The following ADAM12 variants were observed in gnomAD, a reference collection of about 807,000 sequenced individuals.
ADAM12 encodes the protein ADAM metallopeptidase domain 12.
Under a neutral mutation model 106.4 loss-of-function variants are expected in ADAM12, and 70 were observed. That is an observed-to-expected ratio of 0.66 (90% CI 0.54 to 0.80). ADAM12 has a LOEUF of 0.80. ADAM12 is among the 30% of genes least tolerant of loss of function. The pLI, the probability that ADAM12 is intolerant of heterozygous loss-of-function variation, is 0.00. For missense variants in ADAM12, 1,010 were observed against 1,171.9 expected (o/e 0.86, Z 2.02); for synonymous variants, 420 against 433.5 (o/e 0.97, Z 0.39).
intron 1 of ADAM12, among the ~76,000 whole-genome samples, chr10:126,333,180 T>C (rs941276583): frequency 1.3e-5 from 2 of 152,232 alleles, no homozygotes; most frequent in African/African-American, 4.8e-5. Flanking sequence ...AGTTTAATTA[T>C]AAGGTACTCC....
chr10:126,242,132 T>C (rs1479600566), intron 3 of ADAM12, among the ~76,000 whole-genome samples: 1 of 152,208 alleles, frequency 6.6e-6, no homozygotes, highest in Non-Finnish European at 1.5e-5. Context: ...ATTCTGATAA[T>C]ATTTTCCCAT....
At chr10:126,181,237 A>T (rs1043877336) in intron 3 of ADAM12, among the ~76,000 whole-genome samples, 3 of 151,952 alleles carry the variant, frequency 2.0e-5, no homozygotes, top group African/African-American at 7.3e-5. Flanking sequence ...ATGCTCAGCT[A>T]ATTTTTGTAT....
chr10:126,179,496 A>T (rs1957276049), intron 3 of ADAM12, among the ~76,000 whole-genome samples: 1 of 152,202 alleles, frequency 6.6e-6, no homozygotes, highest in South Asian at 2.1e-4. Context: ...AAGTTCATGC[A>T]ATTTAGAACT....
At position 126,049,502 on chromosome 10, in the gene ADAM12, C is replaced by G. The variant is rs762328877; in HGVS notation, c.1719-51G>C. On this transcript the variant is annotated intron_variant, in intron 15 of 22. Coordinates refer to ENST00000448723, the MANE Select transcript of ADAM12 (RefSeq NM_001288973.2). The surrounding 1 kb of genome is among the most constrained non-coding windows in gnomAD (Gnocchi z 4.4). ...CCAAGGAGAAACCATTTGGAACCAA[C>G]CCTATGCAATGTGGGAAGGTCAGAG... 5.0e-6 allele frequency: 8 copies of G among 1,613,668 alleles called. No individual in the cohort carries two copies. The highest frequency in any genetic ancestry group is 6.8e-6 in the Non-Finnish European group (8 of 1,179,578).
intron 3 of ADAM12, among the ~76,000 whole-genome samples, chr10:126,179,778 A>T (rs1387603196): frequency 6.6e-6 from 1 of 152,130 alleles, no homozygotes; most frequent in Non-Finnish European, 1.5e-5. Context: ...ATAAATAAAT[A>T]GTTATTGATG....
In ADAM12 at chr10:126,066,697, T is replaced by C. The variant is rs1184589018; in HGVS notation, c.1413+20A>G. The C allele has an allele frequency of 1.2e-5, 20 of 1,613,100 alleles. No individual in the cohort carries two copies. The East Asian group carries it at 3.1e-4, about 25-fold the overall frequency. Reference sequence around the variant, plus strand: ...ACCTGTTGGCGACCTGGGGGTCAAGTTGTAGCTCCGGTGACTCACCTGGCA... The same window carrying C: ...ACCTGTTGGCGACCTGGGGGTCAAGCTGTAGCTCCGGTGACTCACCTGGCA... On this transcript the variant is annotated intron_variant, in intron 13 of 22. Coordinates refer to ENST00000448723, the MANE Select transcript of ADAM12 (RefSeq NM_001288973.2). The surrounding 1 kb of genome is among the most constrained non-coding windows in gnomAD (Gnocchi z 5.1).
At chr10:126,360,378 C>G (rs1855701354) in intron 1 of ADAM12, among the ~76,000 whole-genome samples, 1 of 152,180 alleles carries the variant, frequency 6.6e-6, no homozygotes, top group Admixed American at 6.5e-5. Flanking sequence ...CTTTTATGCT[C>G]TACTTCCCTT....
At position 126,190,989 on chromosome 10, in the gene ADAM12, C is replaced by CTTTTTT. The variant is rs1957488604; in HGVS notation, c.261-35685_261-35684insAAAAAA. Among the ~76,000 whole-genome samples, 260 of 68,720 alleles carry CTTTTTT rather than the reference C, an allele frequency of 3.8e-3. 109 individuals carry two copies. Among genetic ancestry groups the CTTTTTT allele is most frequent in the African/African-American group, 7.3e-3 (193 of 26,302 alleles). The allele number at this position is 68,720 out of a possible 152,430, so 45.1% of individuals were successfully genotyped here. On this transcript the variant is annotated intron_variant, in intron 3 of 22. Transcript: ENST00000448723. ...TTTGAGTTGCCATGAGGAGTTTTGT[C>CTTTTTT]CTTTTTTTTTTTTTTTTTTTTTTTT...
At position 126,034,772 on chromosome 10, in the gene ADAM12, AATG is replaced by A. The variant is rs576506868; in HGVS notation, c.2529+1371_2529+1373del. The stretch of plus-strand genomic sequence containing the variant: ...ACCATTTCTGTTTGCTGCAATCATG[AATG>A]ATGTTTCCTATTGTGAAATATCATT... On this transcript the variant is annotated intron_variant, in intron 21 of 22. Coordinates refer to ENST00000448723, the MANE Select transcript of ADAM12 (RefSeq NM_001288973.2). 8.5e-5 allele frequency among the ~76,000 whole-genome samples: 13 copies of A among 152,270 alleles called. No homozygotes were observed. In the East Asian group the frequency reaches 2.5e-3, roughly 29 times the overall value.
intron 1 of ADAM12, among the ~76,000 whole-genome samples, chr10:126,353,533 G>A (rs1855433101): frequency 6.6e-6 from 1 of 152,170 alleles, no homozygotes; most frequent in Non-Finnish European, 1.5e-5. Context: ...GGCACTCAAT[G>A]ATAAACAAGG....
chr10:126,267,406 T>C (rs2133725527), intron 3 of ADAM12, among the ~76,000 whole-genome samples: 1 of 152,332 alleles, frequency 6.6e-6, no homozygotes, highest in South Asian at 2.1e-4. Context: ...GAAATAATTA[T>C]ACAACTCACC....
In ADAM12 at chr10:126,376,941, A is replaced by G. The variant is rs540927601; in HGVS notation, c.88+11117T>C. Among the ~76,000 whole-genome samples the G allele has an allele frequency of 1.1e-4, 17 of 152,370 alleles. No homozygotes were observed. In the South Asian group the frequency reaches 3.3e-3, roughly 30 times the overall value. On this transcript the variant is annotated intron_variant, in intron 1 of 22. Coordinates refer to ENST00000448723, the MANE Select transcript of ADAM12 (RefSeq NM_001288973.2). ...ACCTGCACTACGGCCCTGTGGAGGT[A>G]GATATGATCTTTATCACCATTTCAT...
chr10:126,328,503 C>G (rs1227769844), intron 2 of ADAM12, among the ~76,000 whole-genome samples: 1 of 152,140 alleles, frequency 6.6e-6, no homozygotes, highest in African/African-American at 2.4e-5. Context: ...CACGTCTTCC[C>G]CATGGGGAAT....
chr10:126,275,165 C>T (rs1197380769), intron 3 of ADAM12, among the ~76,000 whole-genome samples: 1 of 152,206 alleles, frequency 6.6e-6, no homozygotes, highest in African/African-American at 2.4e-5. Flanking sequence ...ACTGCCATCA[C>T]TCTTCATTAT....
chr10:126,167,150 T>A (rs371289596), intron 3 of ADAM12, among the ~76,000 whole-genome samples: 53 of 152,326 alleles, frequency 3.5e-4, no homozygotes, highest in African/African-American at 1.2e-3. Context: ...TTTGAGCTCC[T>A]CCTAAGCAAA....
At chr10:126,345,006 A>G (rs1372426152) in intron 1 of ADAM12, among the ~76,000 whole-genome samples, 1 of 151,884 alleles carries the variant, frequency 6.6e-6, no homozygotes, top group Non-Finnish European at 1.5e-5. Context: ...CTAACTGAAT[A>G]CCCTTTATTT....
intron 2 of ADAM12, among the ~76,000 whole-genome samples, chr10:126,329,852 T>G (rs980047794): frequency 6.6e-6 from 1 of 152,230 alleles, no homozygotes; most frequent in East Asian, 1.9e-4. Context: ...CAACTGTTCC[T>G]ACAAGCACTG....
intron 21 of ADAM12, among the ~76,000 whole-genome samples, chr10:126,026,634 A>C (rs1201623670): frequency 6.6e-6 from 1 of 152,128 alleles, no homozygotes; most frequent in East Asian, 1.9e-4. Context: ...AAACCACACA[A>C]CTCCATGGAA....
At chr10:126,216,437 T>C (rs566638281) in intron 3 of ADAM12, among the ~76,000 whole-genome samples, 1 of 152,326 alleles carries the variant, frequency 6.6e-6, no homozygotes, top group South Asian at 2.1e-4. Context: ...TCCCAACTGT[T>C]ACAGAGCTCG....
Sources: allele counts gnomAD v4.1 joint callset (sites outside exome capture counted in the v4.1 genomes callset), GRCh38; gene constraint gnomAD v4.1.1; non-coding constraint Gnocchi (gnomAD v3.1); transcripts MANE v1.5; gene names NCBI Gene and HGNC (gene_info 2026-07-23, HGNC 2026-07-21).